The following SIK3 variants were observed in gnomAD, a reference collection of about 807,000 sequenced individuals.
The protein encoded by SIK3 is SIK family kinase 3.
In SIK3, 28 loss-of-function variants were observed where a neutral mutation model predicts 144.2. That is an observed-to-expected ratio of 0.19 (90% CI 0.14 to 0.27). The LOEUF is 0.27. SIK3 is among the 10% of genes least tolerant of loss of function. The probability of loss-of-function intolerance (pLI) is 1.00; values close to 1 mark genes in which losing one functional copy is unlikely to be tolerated. For synonymous variants in SIK3, 686 were observed against 676.3 expected (o/e 1.01, Z -0.22); for missense variants, 1,319 against 1,776.0 (o/e 0.74, Z 4.62).
chr11:116,916,567 G>A (rs1946644273), intron 4 of SIK3, among the ~76,000 whole-genome samples: 1 of 148,526 alleles, frequency 6.7e-6, no homozygotes, highest in Non-Finnish European at 1.5e-5. Context: ...CTGGAGTGCA[G>A]TGGCGCAATC....
intron 1 of SIK3, among the ~76,000 whole-genome samples, chr11:117,030,911 T>C (rs1327099350): frequency 6.6e-6 from 1 of 152,250 alleles, no homozygotes; most frequent in Non-Finnish European, 1.5e-5. Context: ...CTAATGATGT[T>C]GAACATCTCT....
At chr11:116,923,208 G>A (rs565976960) in intron 4 of SIK3, among the ~76,000 whole-genome samples, 3 of 152,142 alleles carry the variant, frequency 2.0e-5, no homozygotes, top group African/African-American at 4.8e-5. Context: ...GAGCCACTGC[G>A]CCCAGCCAAG....
At chr11:116,888,893 G>A (rs1944959536) in intron 6 of SIK3, among the ~76,000 whole-genome samples, 1 of 152,156 alleles carries the variant, frequency 6.6e-6, no homozygotes, top group South Asian at 2.1e-4. Context: ...AGACAGTGTG[G>A]CTGACAGCAT....
intron 1 of SIK3, among the ~76,000 whole-genome samples, chr11:117,083,784 G>A (rs1009945472): frequency 6.6e-6 from 1 of 152,164 alleles, no homozygotes; most frequent in African/African-American, 2.4e-5. Flanking sequence ...TGCAGCATAT[G>A]AACCAAGATT....
At chr11:117,022,144 G>T (rs1366631537) in intron 1 of SIK3, among the ~76,000 whole-genome samples, 2 of 151,936 alleles carry the variant, frequency 1.3e-5, no homozygotes, top group Non-Finnish European at 1.5e-5. Context: ...TGATCATTTT[G>T]TAGTTGGGTA....
chr11:116,876,132 G>C, intron 8 of SIK3, 121 bp downstream of exon 8: 1 of 1,501,620 alleles, frequency 6.7e-7, no homozygotes. Flanking sequence ...GCCCAGGAAG[G>C]GGCAGAGGAA....
chr11:116,982,638 T>A lies in SIK3; in HGVS notation c.274-25574A>T, dbSNP rs1484016759. 5.3e-5 allele frequency among the ~76,000 whole-genome samples: 8 copies of A among 151,876 alleles called. No individual in the cohort carries two copies. The East Asian group carries it at 1.5e-3, about 29-fold the overall frequency. On this transcript the variant is annotated intron_variant, in intron 1 of 24. Coordinates refer to ENST00000445177, the MANE Select transcript of SIK3 (RefSeq NM_001366686.3). ...CAGAACGTTATATGTATATTATATG[T>A]GCTCATACATTTTTACCTTTCCTAG...
chr11:116,978,183 A>G (rs1216426038), intron 1 of SIK3, among the ~76,000 whole-genome samples: 2 of 151,714 alleles, frequency 1.3e-5, no homozygotes, highest in Admixed American at 1.3e-4. Flanking sequence ...GCACCACTGC[A>G]CTCCAGCCTT....
intron 1 of SIK3, among the ~76,000 whole-genome samples, chr11:116,962,006 T>A (rs576090137): frequency 6.6e-6 from 1 of 152,220 alleles, no homozygotes; most frequent in South Asian, 2.1e-4. Flanking sequence ...ACAGTTCTTT[T>A]TAACTCAACT....
At chr11:117,045,549 A>C in intron 1 of SIK3, among the ~76,000 whole-genome samples, 1 of 152,206 alleles carries the variant, frequency 6.6e-6, no homozygotes, top group East Asian at 1.9e-4. Context: ...CACTGCAAAA[A>C]TGTGGTTTTC....
chr11:117,071,269 G>T (rs7101763), intron 1 of SIK3, among the ~76,000 whole-genome samples: 48,047 of 151,276 alleles, frequency 0.32, 8,684 homozygotes, highest in African/African-American at 0.5. Flanking sequence ...TAAACAATTA[G>T]CCCACAGTAT....
chr11:116,961,686 C>T (rs1324586353), intron 1 of SIK3, among the ~76,000 whole-genome samples: 1 of 152,128 alleles, frequency 6.6e-6, no homozygotes, highest in African/African-American at 2.4e-5. Context: ...CCATATATTT[C>T]CTAAGTTTGC....
At chr11:116,928,369 A>G (rs529760194) in intron 3 of SIK3, among the ~76,000 whole-genome samples, 1 of 152,334 alleles carries the variant, frequency 6.6e-6, no homozygotes, top group South Asian at 2.1e-4. Flanking sequence ...TAATAGTCTC[A>G]TGAGCACTGT....
intron 4 of SIK3, among the ~76,000 whole-genome samples, chr11:116,902,683 A>G (rs539208655): frequency 6.6e-6 from 1 of 152,310 alleles, no homozygotes; most frequent in East Asian, 1.9e-4. Flanking sequence ...TGCACCAAAC[A>G]AAATCCTCTA....
At chr11:116,964,043 C>CT (rs2135430228) in intron 1 of SIK3, among the ~76,000 whole-genome samples, 1 of 152,176 alleles carries the variant, frequency 6.6e-6, no homozygotes, top group East Asian at 1.9e-4. Flanking sequence ...AACGTCTGCA[C>CT]TGTTACCCAG....
rs1941858937 is a variant in SIK3 at position 116,845,298 on chromosome 11, A to AT, written c.*344_*345insA. Reference sequence around the variant, plus strand: ...GAAAAAAAAGAAAGGAAGAAAAAAAAGAAAGTATATCACCTCTGGAAGAAA... The same window carrying AT: ...GAAAAAAAAGAAAGGAAGAAAAAAAATGAAAGTATATCACCTCTGGAAGAAA... On this transcript the variant is annotated 3_prime_UTR_variant, in exon 25 of 25. Transcript: ENST00000445177. 6.6e-6 allele frequency: 1 copy of AT among 152,186 alleles called. No individual in the cohort carries two copies. Among genetic ancestry groups the AT allele is most frequent in the Admixed American group, 6.5e-5 (1 of 15,282 alleles). The allele number at this position is 152,186 out of a possible 1,614,324, so 9.4% of individuals were successfully genotyped here.
intron 21 of SIK3, chr11:116,855,438 T>C (rs1189182379): frequency 3.9e-5 from 6 of 152,220 alleles, no homozygotes; most frequent in African/African-American, 1.4e-4. Flanking sequence ...CTCAACAGAC[T>C]AGCGTGCCTG....
At chr11:116,980,406 T>TAAAAC (rs376582371) in intron 1 of SIK3, among the ~76,000 whole-genome samples, 22 of 152,258 alleles carry the variant, frequency 1.4e-4, no homozygotes, top group South Asian at 2.1e-4. Flanking sequence ...GCTAAAAGCC[T>TAAAAC]AAAACAAAAC....
rs564097685 is a variant in SIK3, at chr11:117,033,331, T to C, written c.273+64812A>G. Among the ~76,000 whole-genome samples the C allele has an allele frequency of 4.6e-5, 7 of 152,290 alleles. No homozygotes were observed. The South Asian group carries it at 1.5e-3, about 32-fold the overall frequency. On this transcript the variant is annotated intron_variant, in intron 1 of 24. Coordinates refer to ENST00000445177, the MANE Select transcript of SIK3 (RefSeq NM_001366686.3). ...TTTTATATTTATGACAGCATTATCA[T>C]AAAACTCCAATATTCTTCAATAACT...
Sources: gnomAD v4.1 joint callset for allele counts (sites outside exome capture counted in the v4.1 genomes callset) on GRCh38, gnomAD v4.1.1 for gene constraint, MANE v1.5 for transcripts, NCBI Gene and HGNC (gene_info 2026-07-23, HGNC 2026-07-21) for gene names.